The following RNF144A variants were observed in gnomAD, a reference collection of about 807,000 sequenced individuals.
RNF144A encodes ring finger protein 144A.
A neutral mutation model predicts 38.7 loss-of-function variants in RNF144A; 11 were observed. The observed-to-expected ratio is 0.28, with a 90% CI of 0.18 to 0.47. The LOEUF is 0.47. RNF144A is among the 20% of genes least tolerant of loss of function. The probability of loss-of-function intolerance (pLI) is 0.99; values close to 1 mark genes in which losing one functional copy is unlikely to be tolerated. For missense variants in RNF144A, 316 were observed against 377.2 expected, an observed-to-expected ratio of 0.84 and a Z score of 1.34; for synonymous variants, 149 against 143.9, an observed-to-expected ratio of 1.04 and a Z score of -0.25.
intron 2 of RNF144A, among the ~76,000 whole-genome samples, chr2:6,961,921 T>A (rs977357281): frequency 5.3e-5 from 8 of 152,208 alleles, no homozygotes; most frequent in Admixed American, 5.2e-4. Context: ...TAAATACATG[T>A]GAAATTGAAA....
At chr2:6,964,688 G>A (rs1667543028) in intron 2 of RNF144A, among the ~76,000 whole-genome samples, 2 of 152,066 alleles carry the variant, frequency 1.3e-5, no homozygotes, top group South Asian at 4.2e-4. Flanking sequence ...GATGAAATTG[G>A]AAATCATCAT....
chr2:6,934,748 T>C (rs571796046), intron 1 of RNF144A, among the ~76,000 whole-genome samples: 104 of 152,350 alleles, frequency 6.8e-4, no homozygotes, highest in African/African-American at 2.5e-3. Flanking sequence ...TATTTAAAGA[T>C]ATCTACATAG....
rs777564156 is a variant in RNF144A at position 7,020,580 on chromosome 2, G to A, written c.409G>A (p.Ala137Thr). The A allele has an allele frequency of 1.2e-6, 2 of 1,612,774 alleles. No homozygotes were observed. The highest frequency in any genetic ancestry group is 3.3e-5 in the Admixed American group (2 of 60,028). Residue 137 changes from alanine to threonine, a missense_variant, in exon 6 of 9, where the codon GCC becomes ACC. By Grantham distance (58) the Ala-to-Thr change is moderately conservative. Coordinates refer to ENST00000320892, the MANE Select transcript of RNF144A (RefSeq NM_014746.6). ...LQTPQPVQCK[A>T]CRMEFCSTCK... ...GACCCCCCAGCCAGTGCAGTGCAAAGCCTGCCGTATGGAATTCTGCTCCAC... is the reference window on the plus strand; with the variant it reads ...GACCCCCCAGCCAGTGCAGTGCAAAACCTGCCGTATGGAATTCTGCTCCAC...
At position 6,944,070 on chromosome 2, in the gene RNF144A, A is replaced by G. The variant is rs1223538148; in HGVS notation, c.-12+2923A>G. ...CAGTGAAAGAATGGCTGGAATTGGT[A>G]TTGTGTGCCAGGGAGAGAGGATCCT... On this transcript the variant is annotated intron_variant, in intron 2 of 8. Coordinates refer to ENST00000320892, the MANE Select transcript of RNF144A (RefSeq NM_014746.6). The surrounding 1 kb of genome is among the most constrained non-coding windows in gnomAD (Gnocchi z 4.7). Among the ~76,000 whole-genome samples the G allele has an allele frequency of 1.3e-5, 2 of 152,092 alleles. No individual in the cohort carries two copies. Among genetic ancestry groups the G allele is most frequent in the Non-Finnish European group, 2.9e-5 (2 of 68,012 alleles).
chr2:7,006,846 G>T (rs1212823053), intron 3 of RNF144A, among the ~76,000 whole-genome samples: 2 of 152,142 alleles, frequency 1.3e-5, no homozygotes, highest in African/African-American at 4.8e-5. Context: ...ACAGGTCCTG[G>T]TGACAAGCAT....
At chr2:6,918,861 C>CTTA (rs1164547793) in intron 1 of RNF144A, among the ~76,000 whole-genome samples, 1 of 150,944 alleles carries the variant, frequency 6.6e-6, no homozygotes, top group African/African-American at 2.4e-5. Flanking sequence ...TGAGGTAAGG[C>CTTA]CCCAGGGAAC....
At chr2:7,001,989 G>A (rs1670137678) in intron 3 of RNF144A, among the ~76,000 whole-genome samples, 1 of 152,226 alleles carries the variant, frequency 6.6e-6, no homozygotes, top group Non-Finnish European at 1.5e-5. Flanking sequence ...GCAGTAGCAT[G>A]CCTGGTGATA....
At chr2:7,073,820 T>C in the RNF144A span, among the ~76,000 whole-genome samples, 3 of 152,254 alleles carry the variant, frequency 2.0e-5, no homozygotes, top group African/African-American at 7.2e-5. Flanking sequence ...ATTCAGAATA[T>C]TCTGCTAGCT....
chr2:7,041,228 A>T lies in RNF144A; in HGVS notation c.*1468A>T. On this transcript the variant is annotated 3_prime_UTR_variant, in exon 9 of 9. Transcript: ENST00000320892. ...TTTATCTCAGTTATTTGCCCATCAC[A>T]AGCACATTTTTAAAATGTTGCTTTG... 9.1e-6 allele frequency: 9 copies of T among 985,514 alleles called. No individual in the cohort carries two copies. The highest frequency in any genetic ancestry group is 1.1e-5 in the Non-Finnish European group (9 of 829,886). 61.0% of individuals were successfully genotyped at this position (985,514 alleles called of 1,614,324 possible). A position where few individuals can be genotyped will look rare whatever the true frequency, so the allele number is the denominator to read the frequency against.
intron 2 of RNF144A, among the ~76,000 whole-genome samples, chr2:6,945,370 C>G (rs990870033): frequency 1.3e-5 from 2 of 152,316 alleles, no homozygotes; most frequent in South Asian, 2.1e-4. Context: ...CCACATTTAG[C>G]TCAGTTACAG....
Position 7,043,234 on chromosome 2 carries a change from G to T in RNF144A, c.*3474G>T. 1 of 985,284 alleles carries T rather than the reference G, an allele frequency of 1.0e-6. No homozygotes were observed. The highest frequency in any genetic ancestry group is 1.2e-6 in the Non-Finnish European group (1 of 829,826). The allele number at this position is 985,284 out of a possible 1,614,324, so 61.0% of individuals were successfully genotyped here. ...TTCCATAAAACCAGTTTAGGGCACAGGCCAGTTCCTGATTAGAACACAGGA... is the reference window on the plus strand; with the variant it reads ...TTCCATAAAACCAGTTTAGGGCACATGCCAGTTCCTGATTAGAACACAGGA... On this transcript the variant is annotated 3_prime_UTR_variant, in exon 9 of 9. Transcript: ENST00000320892.
chr2:6,972,775 C>T (rs1668076881), intron 2 of RNF144A, among the ~76,000 whole-genome samples: 1 of 152,196 alleles, frequency 6.6e-6, no homozygotes, highest in Admixed American at 6.5e-5. Context: ...CCCAAACTCC[C>T]AGAGAAAAGG....
At chr2:6,928,400 C>T (rs1000542682) in intron 1 of RNF144A, among the ~76,000 whole-genome samples, 11 of 152,220 alleles carry the variant, frequency 7.2e-5, no homozygotes, top group East Asian at 3.9e-4. Context: ...TGGCCTTCAG[C>T]GGTCAGGGCA....
chr2:7,022,873 G>A (rs1558440365), intron 6 of RNF144A, among the ~76,000 whole-genome samples: 1 of 152,178 alleles, frequency 6.6e-6, no homozygotes, highest in Non-Finnish European at 1.5e-5. Flanking sequence ...ATCACATTCT[G>A]CATGACCAGG....
chr2:7,037,569 G>A (rs996508), intron 8 of RNF144A, among the ~76,000 whole-genome samples: 20,195 of 152,262 alleles, frequency 0.13, 2,099 homozygotes, highest in East Asian at 0.55. Flanking sequence ...ACAAATGAAC[G>A]TAGCCAGCTG....
chr2:7,018,193 G>A (rs1033157132), intron 5 of RNF144A, among the ~76,000 whole-genome samples: 13 of 152,188 alleles, frequency 8.5e-5, no homozygotes, highest in African/African-American at 2.7e-4. Flanking sequence ...GCAGTGAGAC[G>A]GAAGGGTCCC....
intron 2 of RNF144A, among the ~76,000 whole-genome samples, chr2:6,961,995 C>T (rs927096999): frequency 3.3e-5 from 5 of 152,130 alleles, no homozygotes; most frequent in African/African-American, 9.7e-5. Flanking sequence ...AACAAGGACA[C>T]GGACATACGA....
chr2:7,046,268 C>T (rs532561290), downstream of RNF144A, among the ~76,000 whole-genome samples: 5 of 152,328 alleles, frequency 3.3e-5, no homozygotes, highest in South Asian at 2.1e-4. Context: ...TTGCTGCCCA[C>T]GACCTGGTGT....
At chr2:7,000,469 A>G (rs907914916) in intron 3 of RNF144A, among the ~76,000 whole-genome samples, 15 of 152,306 alleles carry the variant, frequency 9.8e-5, no homozygotes, top group African/African-American at 3.6e-4. Flanking sequence ...GAAATTCCTT[A>G]TGGGCTGAAA....
Sources: allele counts gnomAD v4.1 joint callset (sites outside exome capture counted in the v4.1 genomes callset), GRCh38; gene constraint gnomAD v4.1.1; non-coding constraint Gnocchi (gnomAD v3.1); transcripts MANE v1.5; gene names NCBI Gene and HGNC (gene_info 2026-07-23, HGNC 2026-07-21).